Variants in UNC5C observed in about 807,000 individuals in gnomAD.
UNC5C encodes unc-5 netrin receptor C.
Under a neutral mutation model 99.8 loss-of-function variants are expected in UNC5C, and 47 were observed. That is an observed-to-expected ratio of 0.47 (90% CI 0.37 to 0.60). The LOEUF is 0.60. Ranked by LOEUF, UNC5C falls within the 20% of genes least tolerant of loss-of-function variation. UNC5C has a pLI of 0.00. For missense variants in UNC5C, 1,062 were observed against 1,165.9 expected, an observed-to-expected ratio of 0.91 and a Z score of 1.30; for synonymous variants, 487 against 452.2, an observed-to-expected ratio of 1.08 and a Z score of -0.98.
chr4:95,448,280 C>T (rs11931715), intron 1 of UNC5C, among the ~76,000 whole-genome samples: 6 of 119,028 alleles, frequency 5.0e-5, no homozygotes, highest in African/African-American at 1.8e-4. Flanking sequence ...GATTTGTGGA[C>T]ACTGTCTTCT....
chr4:95,444,867 T>C (rs1272960938), intron 1 of UNC5C, among the ~76,000 whole-genome samples: 2 of 152,080 alleles, frequency 1.3e-5, no homozygotes, highest in Non-Finnish European at 2.9e-5. Flanking sequence ...TTAACTGAAA[T>C]ACCATACTGA....
At chr4:95,331,022 A>T (rs773617157) in intron 2 of UNC5C, among the ~76,000 whole-genome samples, 1 of 152,036 alleles carries the variant, frequency 6.6e-6, no homozygotes, top group Non-Finnish European at 1.5e-5. Context: ...CAACATCCAC[A>T]TGTACACATT....
chr4:95,264,258 A>G (rs1467970139), intron 4 of UNC5C, among the ~76,000 whole-genome samples: 1 of 152,206 alleles, frequency 6.6e-6, no homozygotes, highest in Non-Finnish European at 1.5e-5. Flanking sequence ...AAAAGGAGAA[A>G]GTTTATTCAG....
Position 95,366,786 on chromosome 4 carries a change from A to C in UNC5C, c.125-31155T>G, listed in dbSNP as rs546984750. Among the ~76,000 whole-genome samples, 16 of 152,298 alleles carry C rather than the reference A, an allele frequency of 1.1e-4. No individual in the cohort carries two copies. The South Asian group carries it at 3.1e-3, about 30-fold the overall frequency. On this transcript the variant is annotated intron_variant, in intron 1 of 15. Coordinates refer to ENST00000453304, the MANE Select transcript of UNC5C (RefSeq NM_003728.4). ...GTTAAGCGAATTTTTGTCACATTAA[A>C]ACAGCAGAGCTAAACATTGAGGCTG...
chr4:95,231,940 C>A (rs1229099894), intron 7 of UNC5C, among the ~76,000 whole-genome samples: 1 of 152,112 alleles, frequency 6.6e-6, no homozygotes, highest in Non-Finnish European at 1.5e-5. Flanking sequence ...ATCTAAATTG[C>A]CATGGTAATT....
chr4:95,194,448 G>A (rs746445001), intron 12 of UNC5C, among the ~76,000 whole-genome samples: 10 of 152,086 alleles, frequency 6.6e-5, no homozygotes, highest in African/African-American at 1.9e-4. Flanking sequence ...CACAGTTCTC[G>A]TTGAGTTAAA....
At chr4:95,525,596 T>TAAAAAAAAAAAAA (rs574532435) in intron 1 of UNC5C, among the ~76,000 whole-genome samples, 13 of 102,162 alleles carry the variant, frequency 1.3e-4, no homozygotes, top group South Asian at 3.7e-4. Flanking sequence ...GCCTATTTCT[T>TAAAAAAAAAAAAA]AAAAAAAAAA....
intron 1 of UNC5C, among the ~76,000 whole-genome samples, chr4:95,516,044 A>T (rs925140647): frequency 6.6e-6 from 1 of 152,210 alleles, no homozygotes; most frequent in African/African-American, 2.4e-5. Context: ...CAAGTAAAAA[A>T]TTAACTGTAA....
Position 95,436,866 on chromosome 4 carries a change from C to T in UNC5C, c.125-101235G>A, listed in dbSNP as rs182625292. Reference sequence around the variant, plus strand: ...AATGGAATTTTCTAGCATCTAATTTCTATGACAGATGTACTATGGGATTTT... The same window carrying T: ...AATGGAATTTTCTAGCATCTAATTTTTATGACAGATGTACTATGGGATTTT... On this transcript the variant is annotated intron_variant, in intron 1 of 15. Coordinates refer to ENST00000453304, the MANE Select transcript of UNC5C (RefSeq NM_003728.4). 2.1e-3 allele frequency among the ~76,000 whole-genome samples: 322 copies of T among 151,690 alleles called. 6 individuals carry two copies. The highest frequency in any genetic ancestry group is 0.016 in the Admixed American group (249 of 15,182).
At chr4:95,222,943 G>A (rs969903326) in intron 7 of UNC5C, among the ~76,000 whole-genome samples, 2 of 152,168 alleles carry the variant, frequency 1.3e-5, no homozygotes, top group Non-Finnish European at 2.9e-5. Context: ...ATAGGGCCTA[G>A]AGGTTATAAG....
At chr4:95,207,566 G>T (rs1208485834) in intron 10 of UNC5C, among the ~76,000 whole-genome samples, 1 of 152,198 alleles carries the variant, frequency 6.6e-6, no homozygotes, top group Non-Finnish European at 1.5e-5. Context: ...AAGGTATTGA[G>T]TGGATTGCCC....
intron 7 of UNC5C, among the ~76,000 whole-genome samples, chr4:95,224,688 C>G (rs1738609833): frequency 6.6e-6 from 1 of 151,908 alleles, no homozygotes. Context: ...CTGTTGTAGA[C>G]ATGGGGATAC....
intron 1 of UNC5C, among the ~76,000 whole-genome samples, chr4:95,413,273 A>G (rs879337561): frequency 1.1e-4 from 17 of 152,146 alleles, no homozygotes; most frequent in Non-Finnish European, 2.9e-5. Context: ...AGGATCTCTC[A>G]TAGCACTGTA....
chr4:95,471,471 T>TA (rs1418849782), intron 1 of UNC5C, among the ~76,000 whole-genome samples: 2 of 152,034 alleles, frequency 1.3e-5, no homozygotes, highest in African/African-American at 4.8e-5. Flanking sequence ...AACACAGCAT[T>TA]TCAGAGATAA....
rs1178474839 is a variant in UNC5C at position 95,176,492 on chromosome 4, A to G, written c.2452-6160T>C. On this transcript the variant is annotated intron_variant, in intron 14 of 15. Coordinates refer to ENST00000453304, the MANE Select transcript of UNC5C (RefSeq NM_003728.4). ...GACCCTCAGCTGCAGGTCTGTTGGA[A>G]TACCTGGCCGTGTGAGGTGTCAGTC... Among the ~76,000 whole-genome samples the G allele has an allele frequency of 5.9e-5, 9 of 151,726 alleles. No homozygotes were observed. In the South Asian group the frequency reaches 6.3e-4, roughly 11 times the overall value.
intron 1 of UNC5C, among the ~76,000 whole-genome samples, chr4:95,424,622 T>C (rs952791678): frequency 3.4e-4 from 50 of 147,402 alleles, no homozygotes; most frequent in Middle Eastern, 3.4e-3. Context: ...CCCGGGTTCA[T>C]GCCATTCTCC....
intron 1 of UNC5C, among the ~76,000 whole-genome samples, chr4:95,539,925 CTT>C (rs61346866): frequency 0.14 from 19,904 of 145,752 alleles, 2,856 homozygotes; most frequent in African/African-American, 0.36. Context: ...CATCCTTCTA[CTT>C]TTTTTTTTTT....
chr4:95,448,763 A>G (rs1349314036), intron 1 of UNC5C, among the ~76,000 whole-genome samples: 1 of 152,224 alleles, frequency 6.6e-6, no homozygotes, highest in African/African-American at 2.4e-5. Flanking sequence ...ATTTTTACAC[A>G]GAAAAGCTCT....
At chr4:95,219,887 A>G (rs1285335125) in intron 8 of UNC5C, 98 bp downstream of exon 8, 1 of 1,305,828 alleles carries the variant, frequency 7.7e-7, no homozygotes, top group Non-Finnish European at 1.1e-6. Flanking sequence ...GTCTTCATGG[A>G]GCTTACATTC....
Sources: allele counts gnomAD v4.1 joint callset (sites outside exome capture counted in the v4.1 genomes callset), GRCh38; gene constraint gnomAD v4.1.1; transcripts MANE v1.5; gene names NCBI Gene and HGNC (gene_info 2026-07-23, HGNC 2026-07-21).